The following DCC variants were observed in gnomAD, a reference collection of about 807,000 sequenced individuals.
DCC encodes the protein netrin receptor DCC.
Under a neutral mutation model 172.5 loss-of-function variants are expected in DCC, and 58 were observed. The observed-to-expected ratio is 0.34, with a 90% CI of 0.27 to 0.42. DCC has a LOEUF of 0.42. DCC is among the 10% of genes least tolerant of loss of function. DCC has a pLI of 1.00. For synonymous variants in DCC, 709 were observed against 644.5 expected, an observed-to-expected ratio of 1.10 and a Z score of -1.52; for missense variants, 1,740 against 1,791.0, an observed-to-expected ratio of 0.97 and a Z score of 0.51.
chr18:53,333,200 ATAGAGGTGAGCGGCCTAAG>A, intron 14 of DCC, among the ~76,000 whole-genome samples: 2 of 152,336 alleles, frequency 1.3e-5, no homozygotes, highest in Middle Eastern at 6.8e-3. Flanking sequence ...TTTAAAGTTT[ATAGAGGTGAGCGGCCTAAG>A]GGAAGTGATG....
intron 12 of DCC, among the ~76,000 whole-genome samples, chr18:53,238,912 C>A (rs190124488): frequency 9.9e-5 from 15 of 152,090 alleles, no homozygotes; most frequent in East Asian, 9.7e-4. Context: ...TATTATTTAA[C>A]CTTCACAAAA....
chr18:52,555,526 C>T (rs1479673201), intron 1 of DCC, among the ~76,000 whole-genome samples: 1 of 151,978 alleles, frequency 6.6e-6, no homozygotes, highest in Non-Finnish European at 1.5e-5. Context: ...GAAGAATGAA[C>T]TAGATGATCT....
intron 12 of DCC, among the ~76,000 whole-genome samples, chr18:53,251,175 G>A (rs2056426938): frequency 6.6e-6 from 1 of 151,796 alleles, no homozygotes. Flanking sequence ...CCTGCTTTCT[G>A]ACAGATGTTG....
At chr18:52,839,291 G>A (rs190002033) in intron 2 of DCC, among the ~76,000 whole-genome samples, 2 of 152,304 alleles carry the variant, frequency 1.3e-5, no homozygotes, top group East Asian at 3.9e-4. Context: ...AAGTATGTTT[G>A]TGTGCATGTG....
At chr18:52,775,706 G>A (rs2037418330) in intron 2 of DCC, among the ~76,000 whole-genome samples, 1 of 152,178 alleles carries the variant, frequency 6.6e-6, no homozygotes, top group South Asian at 2.1e-4. Flanking sequence ...TTGCCATCCA[G>A]CCACTTGTGT....
chr18:52,583,687 C>T (rs1007605378), intron 1 of DCC, among the ~76,000 whole-genome samples: 6 of 152,004 alleles, frequency 3.9e-5, no homozygotes, highest in Admixed American at 3.9e-4. Flanking sequence ...CCATAAGTCA[C>T]AAAGTTTAAA....
chr18:53,023,081 A>G (rs180932262), intron 5 of DCC, among the ~76,000 whole-genome samples: 50 of 152,176 alleles, frequency 3.3e-4, no homozygotes, highest in African/African-American at 8.2e-4. Flanking sequence ...GAAGAGTCCA[A>G]TTGAATTATT....
intron 21 of DCC, among the ~76,000 whole-genome samples, chr18:53,416,894 C>T (rs1910342444): frequency 6.6e-6 from 1 of 152,070 alleles, no homozygotes; most frequent in African/African-American, 2.4e-5. Context: ...ACACAAAGGA[C>T]AATTAGTAGA....
At chr18:52,563,893 A>G (rs960682200) in intron 1 of DCC, among the ~76,000 whole-genome samples, 1 of 152,172 alleles carries the variant, frequency 6.6e-6, no homozygotes, top group African/African-American at 2.4e-5. Flanking sequence ...TTCTGTGCCA[A>G]AATCCCTGAG....
intron 5 of DCC, among the ~76,000 whole-genome samples, chr18:52,927,260 T>C (rs918206740): frequency 7.0e-6 from 1 of 142,904 alleles, no homozygotes; most frequent in African/African-American, 2.6e-5. Context: ...TACACATATA[T>C]GCACATATAT....
At chr18:52,768,067 A>G (rs1439120574) in intron 2 of DCC, among the ~76,000 whole-genome samples, 1 of 152,150 alleles carries the variant, frequency 6.6e-6, no homozygotes, top group Non-Finnish European at 1.5e-5. Context: ...AAATGTTTTA[A>G]TTTTCTTCTA....
intron 1 of DCC, among the ~76,000 whole-genome samples, chr18:52,536,200 A>G (rs1037910504): frequency 2.6e-5 from 4 of 152,110 alleles, no homozygotes; most frequent in African/African-American, 9.7e-5. Context: ...ATGTGGGTAT[A>G]TGTCGGAGCC....
chr18:52,349,634 G>T (rs534121814), intron 1 of DCC, among the ~76,000 whole-genome samples: 16 of 152,260 alleles, frequency 1.1e-4, no homozygotes, highest in South Asian at 2.1e-4. Flanking sequence ...ATCTGAGATA[G>T]TCCTGTTCTA....
intron 5 of DCC, among the ~76,000 whole-genome samples, chr18:52,958,755 T>A (rs2040790103): frequency 6.6e-6 from 1 of 151,808 alleles, no homozygotes; most frequent in African/African-American, 2.4e-5. Flanking sequence ...TGGAGAATAT[T>A]GAAGGAGGAG....
intron 5 of DCC, among the ~76,000 whole-genome samples, chr18:53,011,957 T>A (rs541249991): frequency 3.9e-5 from 6 of 152,048 alleles, no homozygotes; most frequent in African/African-American, 1.2e-4. Flanking sequence ...TCAGTATCGC[T>A]AGGCATCATG....
intron 12 of DCC, among the ~76,000 whole-genome samples, chr18:53,273,529 G>A (rs550610686): frequency 3.7e-4 from 56 of 151,928 alleles, no homozygotes; most frequent in African/African-American, 1.1e-3. Flanking sequence ...ATAGTCCTTC[G>A]GTCAAGAAAA....
chr18:52,515,928 G>GAAAA (rs34820684), intron 1 of DCC, among the ~76,000 whole-genome samples: 1 of 115,066 alleles, frequency 8.7e-6, no homozygotes, highest in African/African-American at 3.5e-5. Context: ...TTAGAAAATG[G>GAAAA]AAAAAAAAAA....
chr18:53,440,521 A>G (rs999902789), intron 22 of DCC, among the ~76,000 whole-genome samples: 12 of 151,764 alleles, frequency 7.9e-5, no homozygotes, highest in Non-Finnish European at 1.8e-4. Context: ...TTAGAATTCA[A>G]TAACATTTTA....
chr18:53,042,933 A>G (rs2042189428), intron 5 of DCC, among the ~76,000 whole-genome samples: 1 of 151,946 alleles, frequency 6.6e-6, no homozygotes, highest in South Asian at 2.1e-4. Flanking sequence ...TAGAAATACC[A>G]TTTGACCCAG....
Sources: gnomAD v4.1 joint callset for allele counts (sites outside exome capture counted in the v4.1 genomes callset) on GRCh38, gnomAD v4.1.1 for gene constraint, MANE v1.5 for transcripts, NCBI Gene and HGNC (gene_info 2026-07-23, HGNC 2026-07-21) for gene names.